The following MAJIN variants were observed in gnomAD, a reference collection of about 807,000 sequenced individuals.
MAJIN encodes the protein membrane anchored junction protein.
In MAJIN, 27 loss-of-function variants were observed where a neutral mutation model predicts 30.2. The ratio of observed to expected loss-of-function variants is 0.89; its 90% CI spans 0.66 to 1.23. The LOEUF (loss-of-function observed/expected upper bound fraction) is 1.23. Among genes scored for constraint, MAJIN ranks in the 50% most tolerant of loss-of-function variants. The pLI is 0.00. For synonymous variants in MAJIN, 78 were observed against 91.6 expected, an observed-to-expected ratio of 0.85 and a Z score of 0.85; for missense variants, 253 against 260.3, an observed-to-expected ratio of 0.97 and a Z score of 0.19.
chr11:64,963,822 G>C (rs1010357905), intron 1 of MAJIN, among the ~76,000 whole-genome samples: 8 of 152,242 alleles, frequency 5.3e-5, no homozygotes, highest in African/African-American at 1.9e-4. Flanking sequence ...CTGGGCAACA[G>C]AGCAAGACCC....
Position 64,947,879 on chromosome 11 carries a change from A to C in MAJIN, c.350-60T>G, listed in dbSNP as rs564907132. 3.4e-4 allele frequency: 421 copies of C among 1,227,758 alleles called. 2 individuals are homozygous for C. The highest frequency in any genetic ancestry group is 1.6e-3 in the Middle Eastern group (8 of 4,914). The allele number at this position is 1,227,758 out of a possible 1,614,324, so 76.1% of individuals were successfully genotyped here. A position where few individuals can be genotyped will look rare whatever the true frequency, so the allele number is the denominator to read the frequency against. Reference sequence around the variant, plus strand: ...AAGACTTTTTTTTTTTTTTTTTTGGAGATTAAGTCTCTCTCTGTCACCCAG... The same window carrying C: ...AAGACTTTTTTTTTTTTTTTTTTGGCGATTAAGTCTCTCTCTGTCACCCAG... On this transcript the variant is annotated intron_variant, in intron 6 of 10. Coordinates refer to ENST00000301896, the MANE Select transcript of MAJIN (RefSeq NM_001037225.3).
chr11:64,955,570 T>G (rs1271511419), intron 3 of MAJIN, among the ~76,000 whole-genome samples: 2 of 152,188 alleles, frequency 1.3e-5, no homozygotes, highest in East Asian at 3.8e-4. Context: ...ACTTGGAAGT[T>G]TGACAGACAC....
At chr11:64,952,545 G>C (rs1223059123) in intron 4 of MAJIN, among the ~76,000 whole-genome samples, 1 of 152,110 alleles carries the variant, frequency 6.6e-6, no homozygotes, top group Non-Finnish European at 1.5e-5. Flanking sequence ...AGGCAATTCT[G>C]TTATTCCCAT....
chr11:64,960,510 C>A (rs903878355), intron 1 of MAJIN, among the ~76,000 whole-genome samples: 1 of 152,126 alleles, frequency 6.6e-6, no homozygotes, highest in African/African-American at 2.4e-5. Context: ...CTGCCCATAG[C>A]TATGAATGTT....
intron 8 of MAJIN, among the ~76,000 whole-genome samples, chr11:64,941,113 T>C (rs1170661068): frequency 6.6e-6 from 1 of 152,096 alleles, no homozygotes; most frequent in Non-Finnish European, 1.5e-5. Context: ...GCTGGAATTA[T>C]AGGCGTGAGC....
chr11:64,962,356 T>C (rs1945740904), intron 1 of MAJIN, among the ~76,000 whole-genome samples: 1 of 152,180 alleles, frequency 6.6e-6, no homozygotes, highest in African/African-American at 2.4e-5. Flanking sequence ...AGACAGTGTA[T>C]CCCAAACAAC....
At chr11:64,957,078 TTCTC>T (rs145233981) in intron 3 of MAJIN, among the ~76,000 whole-genome samples, 6,282 of 151,306 alleles carry the variant, frequency 0.042, 384 homozygotes, top group Admixed American at 0.18. Context: ...GATTTTTTTT[TTCTC>T]TCTTTTTGAA....
chr11:64,965,753 G>A (rs1336986588), intron 1 of MAJIN, among the ~76,000 whole-genome samples: 2 of 152,090 alleles, frequency 1.3e-5, no homozygotes, highest in Admixed American at 6.5e-5. Context: ...TCAGGAGATC[G>A]ATACTATCCT....
chr11:64,938,676 G>A (rs1348248975), intron 10 of MAJIN, 103 bp from the exon 11 acceptor site: 9 of 1,287,796 alleles, frequency 7.0e-6, no homozygotes, highest in Non-Finnish European at 9.7e-6. Context: ...TTGCTCTGGG[G>A]AACCATTGAA....
intron 8 of MAJIN, among the ~76,000 whole-genome samples, chr11:64,944,995 C>T (rs902520796): frequency 6.6e-6 from 1 of 152,094 alleles, no homozygotes; most frequent in African/African-American, 2.4e-5. Context: ...AGGGGCCAGC[C>T]CTTCACTGCT....
chr11:64,971,427 CAAAAAAAA>C (rs35873962), intron 1 of MAJIN, among the ~76,000 whole-genome samples: 4 of 68,794 alleles, frequency 5.8e-5, no homozygotes, highest in African/African-American at 1.7e-4. Flanking sequence ...GACCCCGCCT[CAAAAAAAA>C]AAAAAAAAAA....
intron 3 of MAJIN, among the ~76,000 whole-genome samples, chr11:64,956,315 T>A (rs1945630662): frequency 6.6e-6 from 1 of 150,652 alleles, no homozygotes; most frequent in Non-Finnish European, 1.5e-5. Flanking sequence ...AATAAATAAA[T>A]AAATAAAAAT....
At chr11:64,966,929 CAA>C (rs111480545) in intron 1 of MAJIN, among the ~76,000 whole-genome samples, 18 of 69,568 alleles carry the variant, frequency 2.6e-4, no homozygotes, top group Admixed American at 3.6e-4. Flanking sequence ...ATGACTGTCT[CAA>C]AAAAAAAAAA....
intron 1 of MAJIN, among the ~76,000 whole-genome samples, chr11:64,961,134 C>T (rs1945714917): frequency 6.6e-6 from 1 of 151,774 alleles, no homozygotes; most frequent in South Asian, 2.1e-4. Flanking sequence ...AGAAATTTAA[C>T]TCTTAATTCT....
intron 1 of MAJIN, among the ~76,000 whole-genome samples, 199 bp from the exon 2 acceptor site, chr11:64,960,334 T>C (rs917170218): frequency 1.3e-5 from 2 of 152,172 alleles, no homozygotes; most frequent in Admixed American, 6.5e-5. Flanking sequence ...CTCAGTCCAA[T>C]GTCCCTAATT....
At chr11:64,948,631 ATATATATATTTTTT>A (rs1945495452) in intron 6 of MAJIN, among the ~76,000 whole-genome samples, 1 of 40,670 alleles carries the variant, frequency 2.5e-5, no homozygotes, top group African/African-American at 1.5e-4. Context: ...ATATATATAT[ATATATATATTTTTT>A]TTTTTTTTTT....
chr11:64,949,107 G>A (rs975019780), intron 6 of MAJIN, among the ~76,000 whole-genome samples: 1 of 150,288 alleles, frequency 6.7e-6, no homozygotes, highest in Non-Finnish European at 1.5e-5. Flanking sequence ...AGGATCGCTT[G>A]AGCCCAGGAG....
At chr11:64,945,612 T>G (rs1038256567) in intron 8 of MAJIN, among the ~76,000 whole-genome samples, 4 of 152,062 alleles carry the variant, frequency 2.6e-5, no homozygotes, top group Non-Finnish European at 5.9e-5. Flanking sequence ...CTCAGCTCAC[T>G]GCAACCTCCG....
intron 9 of MAJIN, among the ~76,000 whole-genome samples, chr11:64,940,287 C>T (rs929457647): frequency 9.2e-5 from 14 of 152,336 alleles, no homozygotes; most frequent in Admixed American, 6.5e-4. Flanking sequence ...TAAAGTTTAT[C>T]ACCTCACTCG....
Sources: allele counts gnomAD v4.1 joint callset (sites outside exome capture counted in the v4.1 genomes callset), GRCh38; gene constraint gnomAD v4.1.1; transcripts MANE v1.5; gene names NCBI Gene and HGNC (gene_info 2026-07-23, HGNC 2026-07-21).